The following MAN1A1 variants were observed in gnomAD, a reference collection of about 807,000 sequenced individuals.
The protein encoded by MAN1A1 is mannosyl-oligosaccharide 1,2-alpha-mannosidase IA.
Under a neutral mutation model 70.8 loss-of-function variants are expected in MAN1A1, and 29 were observed. The observed-to-expected ratio is 0.41, with a 90% CI of 0.31 to 0.56. The LOEUF (loss-of-function observed/expected upper bound fraction) is 0.56, where lower values mean the gene tolerates loss of function less well. Ranked by LOEUF, MAN1A1 falls within the 20% of genes least tolerant of loss-of-function variation. MAN1A1 has a pLI of 0.29. For synonymous variants in MAN1A1, 349 were observed against 330.1 expected (o/e 1.06, Z -0.62); for missense variants, 747 against 841.3 (o/e 0.89, Z 1.39).
intron 5 of MAN1A1, among the ~76,000 whole-genome samples, chr6:119,248,565 T>C (rs1168191156): frequency 6.6e-6 from 1 of 152,222 alleles, no homozygotes; most frequent in Non-Finnish European, 1.5e-5. Flanking sequence ...ATTCCCAATC[T>C]TGGTTGCTCA....
At chr6:119,302,511 A>AG (rs1772418837) in intron 3 of MAN1A1, among the ~76,000 whole-genome samples, 1 of 151,944 alleles carries the variant, frequency 6.6e-6, no homozygotes, top group Non-Finnish European at 1.5e-5. Flanking sequence ...CCTCCTGAGT[A>AG]GCTGGGACTA....
chr6:119,274,912 T>C (rs1396981147), intron 5 of MAN1A1, among the ~76,000 whole-genome samples: 1 of 152,214 alleles, frequency 6.6e-6, no homozygotes, highest in African/African-American at 2.4e-5. Context: ...TTTAATGAAC[T>C]ATATTAAAAA....
At chr6:119,278,441 T>C (rs1486772710) in intron 5 of MAN1A1, among the ~76,000 whole-genome samples, 1 of 152,230 alleles carries the variant, frequency 6.6e-6, no homozygotes, top group Non-Finnish European at 1.5e-5. Context: ...CCTCTGCTTT[T>C]TGTTTAAGCA....
chr6:119,282,087 C>T (rs1014272256), intron 5 of MAN1A1, among the ~76,000 whole-genome samples: 2 of 151,968 alleles, frequency 1.3e-5, no homozygotes, highest in Admixed American at 6.6e-5. Flanking sequence ...CAAAACAAAA[C>T]AAAACAAAAC....
chr6:119,306,903 A>G lies in MAN1A1; in HGVS notation c.693T>C (p.Ser231=). ...KPISKGGHSS[S]LFGNIKGATI... ...CAAAGCACATCTACTCACCAAACAA[A>G]CTGCTTGAATGGCCTCCTTTTGATA... The change falls in exon 3 of 13, where the codon AGT becomes AGC. Residue 231 remains serine (S), a synonymous_variant. Transcript: ENST00000368468. The G allele has an allele frequency of 2.5e-6, 4 of 1,577,024 alleles. No homozygotes were observed. Among genetic ancestry groups the G allele is most frequent in the Non-Finnish European group, 3.5e-6 (4 of 1,146,862 alleles).
At chr6:119,283,767 A>C (rs1263351463) in intron 5 of MAN1A1, among the ~76,000 whole-genome samples, 1 of 152,164 alleles carries the variant, frequency 6.6e-6, no homozygotes, top group Non-Finnish European at 1.5e-5. Context: ...GAAGGAAACC[A>C]GAAAAGGTAG....
chr6:119,342,754 T>C (rs1213927310), intron 2 of MAN1A1, among the ~76,000 whole-genome samples: 3 of 152,170 alleles, frequency 2.0e-5, no homozygotes, highest in Non-Finnish European at 2.9e-5. Flanking sequence ...AAAACAATCA[T>C]CCTTTAGGTT....
At chr6:119,198,527 T>C (rs1283406353) in intron 8 of MAN1A1, among the ~76,000 whole-genome samples, 2 of 152,228 alleles carry the variant, frequency 1.3e-5, no homozygotes, top group Non-Finnish European at 2.9e-5. Context: ...ATAATACCTA[T>C]ATTTACTACA....
At chr6:119,289,207 G>A (rs183751555) in intron 5 of MAN1A1, among the ~76,000 whole-genome samples, 1 of 151,804 alleles carries the variant, frequency 6.6e-6, no homozygotes, top group African/African-American at 2.4e-5. Flanking sequence ...TTCTTTGTAT[G>A]CTTTATTATC....
At chr6:119,266,696 G>A (rs560668683) in intron 5 of MAN1A1, among the ~76,000 whole-genome samples, 21 of 152,204 alleles carry the variant, frequency 1.4e-4, no homozygotes, top group Middle Eastern at 3.4e-3. Context: ...GACTTTTTAG[G>A]TATGACACTA....
At position 119,225,001 on chromosome 6, in the gene MAN1A1, C is replaced by T. The variant is rs368466945; in HGVS notation, c.993-20119G>A. On this transcript the variant is annotated intron_variant, in intron 6 of 12. Coordinates refer to ENST00000368468, the MANE Select transcript of MAN1A1 (RefSeq NM_005907.4). ...AATTAGCCGGGCATGGTGGTGCATGCCTGTAATCCTAGCTACTCAGGAGGC... is the reference window on the plus strand; with the variant it reads ...AATTAGCCGGGCATGGTGGTGCATGTCTGTAATCCTAGCTACTCAGGAGGC... 5.9e-5 allele frequency among the ~76,000 whole-genome samples: 9 copies of T among 151,994 alleles called. No homozygotes were observed. In the South Asian group the frequency reaches 1.2e-3, roughly 21 times the overall value.
Position 119,195,474 on chromosome 6 carries a change from C to A in MAN1A1, c.1211-1582G>T, listed in dbSNP as rs529209283. Among the ~76,000 whole-genome samples, 3 of 152,310 alleles carry A rather than the reference C, an allele frequency of 2.0e-5. No individual in the cohort carries two copies. In the East Asian group the frequency reaches 5.8e-4, roughly 29 times the overall value. ...ATACTTCGTATCTGGGACCAAATGA[C>A]ACTTCCTCAAAGGAGTGTTCTCTGA... On this transcript the variant is annotated intron_variant, in intron 8 of 12. Transcript: ENST00000368468.
intron 11 of MAN1A1, among the ~76,000 whole-genome samples, chr6:119,184,001 A>T (rs1345251139): frequency 9.6e-6 from 1 of 104,314 alleles, no homozygotes. Context: ...TGGTAAATTA[A>T]AAAAAAAAAA....
At chr6:119,309,445 A>G (rs527498619) in intron 2 of MAN1A1, among the ~76,000 whole-genome samples, 1 of 152,354 alleles carries the variant, frequency 6.6e-6, no homozygotes, top group South Asian at 2.1e-4. Context: ...TAATTTCTCT[A>G]GACCCAGTTC....
intron 6 of MAN1A1, among the ~76,000 whole-genome samples, chr6:119,231,873 C>T (rs1458721351): frequency 6.6e-6 from 1 of 152,222 alleles, no homozygotes; most frequent in African/African-American, 2.4e-5. Flanking sequence ...CTAGCTTTCA[C>T]ATCCAGGCAA....
chr6:119,286,369 T>A (rs9481900), intron 5 of MAN1A1, among the ~76,000 whole-genome samples: 57,431 of 151,972 alleles, frequency 0.38, 11,332 homozygotes, highest in Non-Finnish European at 0.41. Flanking sequence ...TCCCACCAGT[T>A]AACTGACATT....
At position 119,179,898 on chromosome 6, in the gene MAN1A1, T is replaced by C. The variant is rs369141272; in HGVS notation, c.1883A>G (p.His628Arg). 3.7e-5 allele frequency: 60 copies of C among 1,613,586 alleles called. No individual in the cohort carries two copies. Among genetic ancestry groups the C allele is most frequent in the Middle Eastern group, 3.3e-4 (2 of 6,058 alleles). Residue 628 changes from histidine to arginine, a missense_variant, in exon 13 of 13, where the codon CAT becomes CGT. By Grantham distance (29) the His-to-Arg change is conservative (BLOSUM62 0). Transcript: ENST00000368468. ...FSDDDLLPLE[H>R]WIFNSEAHLL... ...ATGTGCCTCGCTATTGAAGATCCAA[T>C]GCTCCAGTGGAAGAAGATCGTCGTC...
At chr6:119,296,643 TACA>T (rs1562230776) in intron 4 of MAN1A1, among the ~76,000 whole-genome samples, 1 of 152,018 alleles carries the variant, frequency 6.6e-6, no homozygotes, top group Non-Finnish European at 1.5e-5. Context: ...CAGGGAACCC[TACA>T]ACTTACTTTC....
chr6:119,212,692 C>T (rs942546439), intron 6 of MAN1A1, among the ~76,000 whole-genome samples: 7 of 152,144 alleles, frequency 4.6e-5, no homozygotes, highest in Non-Finnish European at 8.8e-5. Context: ...CTCCTCTGGG[C>T]ATTACTTAGC....
Sources: allele counts gnomAD v4.1 joint callset (sites outside exome capture counted in the v4.1 genomes callset), GRCh38; gene constraint gnomAD v4.1.1; transcripts MANE v1.5; gene names NCBI Gene and HGNC (gene_info 2026-07-23, HGNC 2026-07-21).